SRFBP1: variants seen among roughly 807,000 people sequenced by gnomAD.
SRFBP1 encodes the protein serum response factor binding protein 1, also known as serum response factor-binding protein 1.
In SRFBP1, 47 loss-of-function variants were observed where a neutral mutation model predicts 45.5. That is an observed-to-expected ratio of 1.03 (90% CI 0.82 to 1.32). The LOEUF is 1.32. Ranked by LOEUF, SRFBP1 falls within the 40% of genes most tolerant of loss-of-function variation. The pLI is 0.00. For synonymous variants in SRFBP1, 203 were observed against 166.3 expected (o/e 1.22, Z -1.70); for missense variants, 621 against 484.6 (o/e 1.28, Z -2.64).
intron 4 of SRFBP1, among the ~76,000 whole-genome samples, chr5:122,012,409 T>A (rs2112697693): frequency 6.6e-6 from 1 of 152,216 alleles, no homozygotes; most frequent in Non-Finnish European, 1.5e-5. Context: ...AACAAACATT[T>A]CAAATACAAG....
intron 1 of SRFBP1, among the ~76,000 whole-genome samples, chr5:121,971,527 CAG>C (rs1181253371): frequency 6.6e-6 from 1 of 151,852 alleles, no homozygotes; most frequent in African/African-American, 2.4e-5. Flanking sequence ...TGAGCGCACT[CAG>C]AAAGAAATGT....
intron 3 of SRFBP1, among the ~76,000 whole-genome samples, chr5:121,983,679 T>C: frequency 6.6e-6 from 1 of 151,768 alleles, no homozygotes; most frequent in East Asian, 1.9e-4. Flanking sequence ...GAAAATAATT[T>C]ATAGGCGAAA....
intron 2 of SRFBP1, chr5:122,063,640 A>G (rs1754224087): frequency 6.6e-6 from 1 of 151,664 alleles, no homozygotes; most frequent in Non-Finnish European, 1.5e-5. Flanking sequence ...TCAAAAAAAT[A>G]TGTATATATA....
At chr5:121,962,992 A>G (rs1182032147) in intron 1 of SRFBP1, among the ~76,000 whole-genome samples, 1 of 152,240 alleles carries the variant, frequency 6.6e-6, no homozygotes, top group East Asian at 1.9e-4. Context: ...GAATGCCTCC[A>G]AAACCTAGTA....
intron 4 of SRFBP1, among the ~76,000 whole-genome samples, chr5:122,010,727 TA>T (rs1753076238): frequency 6.6e-6 from 1 of 152,014 alleles, no homozygotes; most frequent in African/African-American, 2.4e-5. Context: ...CATAAAATTT[TA>T]ATTTTCACAA....
At chr5:122,001,872 T>A (rs750621296) in intron 4 of SRFBP1, among the ~76,000 whole-genome samples, 1 of 152,208 alleles carries the variant, frequency 6.6e-6, no homozygotes, top group African/African-American at 2.4e-5. Context: ...TCCTTTGGTA[T>A]CTTAAAAGCA....
In SRFBP1 at chr5:121,962,010, CG is replaced by C; in HGVS notation, c.-21del. ...AGACCGGTTCACGTGCAGGCAGCGG[CG>C]GATCATATTCCTTCATCTACCATGG... On this transcript the variant is annotated 5_prime_UTR_variant, in exon 1 of 8. Transcript: ENST00000339397. 1.2e-6 allele frequency: 2 copies of C among 1,613,312 alleles called. No homozygotes were observed. The highest frequency in any genetic ancestry group is 2.7e-5 in the African/African-American group (2 of 74,760).
intron 6 of SRFBP1, 38 bp downstream of exon 6, chr5:122,020,840 C>A: frequency 2.0e-6 from 3 of 1,466,914 alleles, no homozygotes; most frequent in Non-Finnish European, 2.7e-6. Context: ...ATCATTAGTT[C>A]TTTTTTAAAA....
chr5:122,050,782 T>C (rs1753959529), intron 2 of SRFBP1, among the ~76,000 whole-genome samples: 1 of 152,086 alleles, frequency 6.6e-6, no homozygotes, highest in African/African-American at 2.4e-5. Context: ...TTATTTCTTG[T>C]CTTCCATAAG....
intron 1 of SRFBP1, among the ~76,000 whole-genome samples, chr5:121,971,348 G>A (rs1007140155): frequency 6.6e-6 from 1 of 151,918 alleles, no homozygotes; most frequent in African/African-American, 2.4e-5. Context: ...AATAGGACTT[G>A]GAGATTCATT....
intron 3 of SRFBP1, among the ~76,000 whole-genome samples, chr5:121,976,861 A>C (rs987030004): frequency 1.7e-4 from 25 of 150,536 alleles, no homozygotes; most frequent in Non-Finnish European, 4.4e-5. Context: ...AATTTGTTAA[A>C]TTTTTTATAT....
At chr5:122,021,885 C>T (rs1221890718) in intron 6 of SRFBP1, among the ~76,000 whole-genome samples, 1 of 151,008 alleles carries the variant, frequency 6.6e-6, no homozygotes, top group African/African-American at 2.4e-5. Context: ...CTAGTAGAGA[C>T]GGGTTTCACC....
intron 2 of SRFBP1, among the ~76,000 whole-genome samples, chr5:122,036,896 T>G (rs1194362178): frequency 6.6e-6 from 1 of 151,440 alleles, no homozygotes; most frequent in East Asian, 1.9e-4. Context: ...CCTGTGAGTT[T>G]TTTTTTTTTT....
chr5:122,008,146 ACCTGATACTGGGCTGC>A (rs1187590272), intron 4 of SRFBP1, among the ~76,000 whole-genome samples: 10 of 151,552 alleles, frequency 6.6e-5, no homozygotes, highest in Admixed American at 2.0e-4. Context: ...ACAAGTGCTG[ACCTGATACTGGGCTGC>A]CCTGAAGCCT....
At chr5:122,046,092 A>T (rs1753851448) in intron 2 of SRFBP1, among the ~76,000 whole-genome samples, 1 of 152,106 alleles carries the variant, frequency 6.6e-6, no homozygotes, top group Non-Finnish European at 1.5e-5. Context: ...ACATGTGCAC[A>T]ACATGCAGGT....
At chr5:122,021,311 C>T (rs1753317068) in intron 6 of SRFBP1, among the ~76,000 whole-genome samples, 1 of 152,148 alleles carries the variant, frequency 6.6e-6, no homozygotes, top group African/African-American at 2.4e-5. Flanking sequence ...CTGTTGCTCA[C>T]CACTTTTCAT....
At chr5:122,064,104 A>G (rs1313663186) in intron 2 of SRFBP1, 1 of 151,868 alleles carries the variant, frequency 6.6e-6, no homozygotes, top group African/African-American at 2.4e-5. Flanking sequence ...TTATGTTCCT[A>G]TTTAGTCCAT....
At chr5:122,015,646 G>A (rs1004359138) in intron 4 of SRFBP1, among the ~76,000 whole-genome samples, 3 of 152,180 alleles carry the variant, frequency 2.0e-5, no homozygotes, top group Admixed American at 1.3e-4. Context: ...AAGTTCCAGC[G>A]GCAGGCTGGA....
intron 1 of SRFBP1, among the ~76,000 whole-genome samples, chr5:121,966,779 A>AT (rs1561573873): frequency 3.3e-5 from 5 of 150,076 alleles, no homozygotes; most frequent in Admixed American, 1.3e-4. Flanking sequence ...TTTATTTTTT[A>AT]TTTTTTATTT....
Sources: gnomAD v4.1 joint callset for allele counts (sites outside exome capture counted in the v4.1 genomes callset) on GRCh38, gnomAD v4.1.1 for gene constraint, MANE v1.5 for transcripts, NCBI Gene and HGNC (gene_info 2026-07-23, HGNC 2026-07-21) for gene names.